NGEF: variants seen among roughly 807,000 people sequenced by gnomAD.
NGEF encodes neuronal guanine nucleotide exchange factor, also known as ephexin-1.
NGEF carries 31 observed loss-of-function variants against 80.9 expected under a neutral mutation model. The observed-to-expected ratio is 0.38, with a 90% CI of 0.29 to 0.52. The LOEUF (loss-of-function observed/expected upper bound fraction) is 0.52, where lower values mean the gene tolerates loss of function less well. NGEF is among the 20% of genes least tolerant of loss of function. NGEF has a pLI of 0.84. For missense variants in NGEF, 709 were observed against 926.2 expected, an observed-to-expected ratio of 0.77 and a Z score of 3.04; for synonymous variants, 371 against 370.2, an observed-to-expected ratio of 1.00 and a Z score of -0.03.
chr2:232,884,208 C>T (rs564658783), intron 10 of NGEF, 64 bp from the exon 11 acceptor site: 13 of 1,455,268 alleles, frequency 8.9e-6, no homozygotes, highest in African/African-American at 5.6e-5. Context: ...GACATGCCCC[C>T]AGGGCTGCGT....
chr2:232,945,320 G>A (rs1414374551), intron 3 of NGEF, among the ~76,000 whole-genome samples: 2 of 152,112 alleles, frequency 1.3e-5, no homozygotes, highest in Non-Finnish European at 2.9e-5. Context: ...TGGTGTTGTG[G>A]GTTGTGTTCC....
Position 233,013,063 on chromosome 2 carries a change from C to T in NGEF, c.-75+5G>A. On this transcript the variant is annotated splice_donor_5th_base_variant and intron_variant, in intron 1 of 14. Transcript: ENST00000264051. Reference sequence around the variant, plus strand: ...TTTTAAAAAATACCAAAACCATTCTCTCACCTGCCAGAGAGGAGCTCATAG... The same window carrying T: ...TTTTAAAAAATACCAAAACCATTCTTTCACCTGCCAGAGAGGAGCTCATAG... 1 of 466,220 alleles carries T rather than the reference C, an allele frequency of 2.1e-6. No homozygotes were observed. The highest frequency in any genetic ancestry group is 4.5e-6 in the Non-Finnish European group (1 of 224,700). The allele number at this position is 466,220 out of a possible 1,614,324, so 28.9% of individuals were successfully genotyped here. A position where few individuals can be genotyped will look rare whatever the true frequency, so the allele number is the denominator to read the frequency against.
At chr2:232,995,131 A>G (rs780582656) in intron 1 of NGEF, among the ~76,000 whole-genome samples, 317 of 5,958 alleles carry the variant, frequency 0.053, 125 homozygotes, top group Admixed American at 0.1. Context: ...GTATGTATAT[A>G]TGTACAGTAT....
At position 232,931,751 on chromosome 2, in the gene NGEF, T is replaced by C. The variant is rs111944765; in HGVS notation, c.384-4565A>G. On this transcript the variant is annotated intron_variant, in intron 3 of 14. Coordinates refer to ENST00000264051, the MANE Select transcript of NGEF (RefSeq NM_019850.3). Reference sequence around the variant, plus strand: ...GGACAAAATGAAGGAAGGAAGATTGTTGGACTTCTTAGATCCTGCAGGACT... The same window carrying C: ...GGACAAAATGAAGGAAGGAAGATTGCTGGACTTCTTAGATCCTGCAGGACT... Among the ~76,000 whole-genome samples, 739 of 152,318 alleles carry C rather than the reference T, an allele frequency of 4.9e-3. 4 individuals carry two copies. Among genetic ancestry groups the C allele is most frequent in the Non-Finnish European group, 9.1e-3 (617 of 68,020 alleles).
At chr2:233,001,216 C>T (rs1011964878) in intron 1 of NGEF, among the ~76,000 whole-genome samples, 5 of 152,212 alleles carry the variant, frequency 3.3e-5, no homozygotes, top group African/African-American at 1.2e-4. Flanking sequence ...TTGAGTGCAA[C>T]CGTGGCAGGT....
intron 1 of NGEF, among the ~76,000 whole-genome samples, chr2:233,011,607 A>T (rs902484740): frequency 4.8e-5 from 7 of 147,282 alleles, no homozygotes; most frequent in African/African-American, 1.7e-4. Flanking sequence ...AAAAAAAAGG[A>T]ACAGAGACAG....
chr2:232,889,328 C>T (rs983361089), intron 8 of NGEF, among the ~76,000 whole-genome samples: 3 of 152,198 alleles, frequency 2.0e-5, no homozygotes, highest in Non-Finnish European at 4.4e-5. Flanking sequence ...TGCTCTCCCA[C>T]GCCAGCCTCC....
intron 14 of NGEF, among the ~76,000 whole-genome samples, chr2:232,880,935 A>G (rs1691481777): frequency 6.6e-6 from 1 of 152,194 alleles, no homozygotes; most frequent in Non-Finnish European, 1.5e-5. Flanking sequence ...AGGGGAGGAC[A>G]GGGAGGCACT....
intron 5 of NGEF, among the ~76,000 whole-genome samples, chr2:232,905,225 C>G (rs1011576378): frequency 6.6e-6 from 1 of 152,218 alleles, no homozygotes; most frequent in Non-Finnish European, 1.5e-5. Flanking sequence ...CCTCAGCCTG[C>G]CGAGTGCCTG....
intron 3 of NGEF, among the ~76,000 whole-genome samples, chr2:232,948,358 T>C (rs1245735036): frequency 6.6e-6 from 1 of 152,082 alleles, no homozygotes; most frequent in Non-Finnish European, 1.5e-5. Context: ...GCTTGACAAG[T>C]CTGGATATTA....
At chr2:232,948,994 G>A (rs1693620322) in intron 3 of NGEF, among the ~76,000 whole-genome samples, 1 of 151,898 alleles carries the variant, frequency 6.6e-6, no homozygotes, top group Admixed American at 6.6e-5. Flanking sequence ...CTCCAGCCTG[G>A]GCAACAGAGC....
At chr2:232,921,331 T>C (rs1692938662) in intron 4 of NGEF, among the ~76,000 whole-genome samples, 1 of 152,166 alleles carries the variant, frequency 6.6e-6, no homozygotes, top group African/African-American at 2.4e-5. Flanking sequence ...TAATCCTGCC[T>C]GCTGCAGGCT....
chr2:233,011,702 C>T (rs546337394), intron 1 of NGEF, among the ~76,000 whole-genome samples: 1 of 152,326 alleles, frequency 6.6e-6, no homozygotes, highest in South Asian at 2.1e-4. Context: ...GCCCTCCTGC[C>T]TCTGCCTCCT....
At chr2:232,993,668 A>G (rs1360859312) in intron 1 of NGEF, among the ~76,000 whole-genome samples, 1 of 152,226 alleles carries the variant, frequency 6.6e-6, no homozygotes, top group Non-Finnish European at 1.5e-5. Flanking sequence ...GAAAACACCA[A>G]GAACGTCTGT....
chr2:232,998,956 CA>C (rs913309870), intron 1 of NGEF, among the ~76,000 whole-genome samples: 5 of 152,170 alleles, frequency 3.3e-5, no homozygotes, highest in African/African-American at 1.2e-4. Context: ...ATACAATGAG[CA>C]TAACTGCGTG....
chr2:232,922,727 G>A (rs925396292), intron 4 of NGEF, among the ~76,000 whole-genome samples: 13 of 152,190 alleles, frequency 8.5e-5, no homozygotes, highest in African/African-American at 1.9e-4. Flanking sequence ...ATAGTGCAGC[G>A]TCTCCTACAT....
chr2:232,886,575 G>A (rs572851359), intron 9 of NGEF, among the ~76,000 whole-genome samples: 3 of 152,238 alleles, frequency 2.0e-5, no homozygotes, highest in African/African-American at 7.2e-5. Flanking sequence ...TCCTGGTATT[G>A]AGTATAATTA....
intron 4 of NGEF, among the ~76,000 whole-genome samples, chr2:232,925,830 T>C (rs1430117791): frequency 2.0e-5 from 3 of 152,142 alleles, no homozygotes; most frequent in East Asian, 3.9e-4. Context: ...CAGTTTCAGA[T>C]CAGCCCCTCT....
At chr2:232,917,823 G>A (rs11684803) in intron 5 of NGEF, among the ~76,000 whole-genome samples, 26,263 of 151,988 alleles carry the variant, frequency 0.17, 2,381 homozygotes, top group East Asian at 0.28. Context: ...ACCCAGGCCG[G>A]AGGGCAGTGG....
Sources: gnomAD v4.1 joint callset for allele counts (sites outside exome capture counted in the v4.1 genomes callset) on GRCh38, gnomAD v4.1.1 for gene constraint, MANE v1.5 for transcripts, NCBI Gene and HGNC (gene_info 2026-07-23, HGNC 2026-07-21) for gene names.